The following MACROD2 variants were observed in gnomAD, a reference collection of about 807,000 sequenced individuals.
MACROD2 encodes the protein ADP-ribose glycohydrolase MACROD2.
In MACROD2, 36 loss-of-function variants were observed where a neutral mutation model predicts 70.4. The ratio of observed to expected loss-of-function variants is 0.51; its 90% CI spans 0.39 to 0.68. MACROD2 has a LOEUF of 0.68. Ranked by LOEUF, MACROD2 falls within the 30% of genes least tolerant of loss-of-function variation. MACROD2 has a pLI of 0.00. For synonymous variants in MACROD2, 172 were observed against 178.8 expected, an observed-to-expected ratio of 0.96 and a Z score of 0.30; for missense variants, 496 against 538.4, an observed-to-expected ratio of 0.92 and a Z score of 0.78.
intron 5 of MACROD2, among the ~76,000 whole-genome samples, chr20:15,184,070 G>A (rs114244995): frequency 0.024 from 3,531 of 145,892 alleles, 144 homozygotes; most frequent in African/African-American, 0.082. Flanking sequence ...TCCGGATAGC[G>A]AATGTTTCAA....
At chr20:14,703,897 T>C (rs1017949658) in intron 5 of MACROD2, among the ~76,000 whole-genome samples, 5 of 151,836 alleles carry the variant, frequency 3.3e-5, no homozygotes, top group Admixed American at 2.6e-4. Context: ...TGGCTAATTT[T>C]TTGTATTTTT....
intron 5 of MACROD2, among the ~76,000 whole-genome samples, chr20:14,932,656 C>T (rs564874278): frequency 6.6e-6 from 1 of 152,278 alleles, no homozygotes; most frequent in South Asian, 2.1e-4. Flanking sequence ...ACCTCCGCCT[C>T]ACAGGTTCAA....
chr20:14,833,824 A>G (rs1002589444), intron 5 of MACROD2, among the ~76,000 whole-genome samples: 1 of 152,110 alleles, frequency 6.6e-6, no homozygotes, highest in Admixed American at 6.6e-5. Context: ...AGACTATTTC[A>G]ACTTATTTGT....
chr20:15,596,596 T>C (rs1476515974), intron 8 of MACROD2, among the ~76,000 whole-genome samples: 1 of 152,236 alleles, frequency 6.6e-6, no homozygotes, highest in Non-Finnish European at 1.5e-5. Flanking sequence ...ATAAGTACTC[T>C]TGAAAGCCAT....
intron 8 of MACROD2, among the ~76,000 whole-genome samples, chr20:15,535,193 T>C (rs1257190707): frequency 2.0e-5 from 3 of 152,064 alleles, no homozygotes; most frequent in Non-Finnish European, 2.9e-5. Flanking sequence ...CCCAGATTAG[T>C]CTTGAACTTG....
chr20:14,640,525 C>G (rs1011877051), intron 4 of MACROD2, among the ~76,000 whole-genome samples: 1 of 152,068 alleles, frequency 6.6e-6, no homozygotes, highest in African/African-American at 2.4e-5. Flanking sequence ...GTGGCAAGGT[C>G]AAAGAGTGCT....
At chr20:14,617,229 A>T (rs1409848389) in intron 4 of MACROD2, among the ~76,000 whole-genome samples, 1 of 152,084 alleles carries the variant, frequency 6.6e-6, no homozygotes, top group Non-Finnish European at 1.5e-5. Context: ...TTTAACTCCG[A>T]GATTCAACAT....
rs1266643321 is a variant in MACROD2, at chr20:14,199,619, G to A, written c.271+113891G>A. Among the ~76,000 whole-genome samples the A allele has an allele frequency of 2.0e-5, 3 of 152,130 alleles. 1 individual carries two copies. The highest frequency in any genetic ancestry group is 7.2e-5 in the African/African-American group (3 of 41,504). On this transcript the variant is annotated intron_variant, in intron 3 of 17. Transcript: ENST00000684519. ...TGTAGTTCCTGTTGTGGGTTGTTTG[G>A]TAGGTTACTATGTACCATGTTATAG...
chr20:15,622,535 C>T (rs889247482), intron 8 of MACROD2, among the ~76,000 whole-genome samples: 13 of 152,160 alleles, frequency 8.5e-5, no homozygotes, highest in African/African-American at 1.7e-4. Context: ...GGGCTGGTAG[C>T]GTCTACAGTG....
chr20:15,928,650 A>T (rs2065527110), intron 10 of MACROD2, among the ~76,000 whole-genome samples: 1 of 152,228 alleles, frequency 6.6e-6, no homozygotes, highest in South Asian at 2.1e-4. Flanking sequence ...TTTTTATGAG[A>T]ATGAAGTTTG....
intron 2 of MACROD2, among the ~76,000 whole-genome samples, chr20:14,016,662 T>C (rs2148621023): frequency 6.6e-6 from 1 of 152,286 alleles, no homozygotes; most frequent in East Asian, 1.9e-4. Flanking sequence ...TCAAGACATT[T>C]GAATGGTCTT....
chr20:14,425,926 A>G (rs550308976), intron 3 of MACROD2, among the ~76,000 whole-genome samples: 39 of 152,090 alleles, frequency 2.6e-4, no homozygotes, highest in Non-Finnish European at 5.0e-4. Context: ...TACTTTGTTG[A>G]TGGTTTCCTG....
chr20:15,187,524 A>C (rs172019), intron 5 of MACROD2, among the ~76,000 whole-genome samples: 1 of 152,138 alleles, frequency 6.6e-6, no homozygotes, highest in African/African-American at 2.4e-5. Flanking sequence ...CACAACAGGG[A>C]CCATTTCAAT....
Position 14,857,810 on chromosome 20 carries a change from G to GTTTGTTTTGT in MACROD2, c.418+172869_418+172878dup, listed in dbSNP as rs71190157. Reference sequence around the variant, plus strand: ...GTCAATAGGGAACTGTGCTTTTTTTGTTTGTTTTGTTTTGTTTTGTTTTGT... The same window carrying GTTTGTTTTGT: ...GTCAATAGGGAACTGTGCTTTTTTTGTTTGTTTTGTTTTGTTTTGTTTTGTTTTGTTTTGT... On this transcript the variant is annotated intron_variant, in intron 5 of 17. Coordinates refer to ENST00000684519, the MANE Select transcript of MACROD2 (RefSeq NM_001351661.2). 6.1e-3 allele frequency among the ~76,000 whole-genome samples: 915 copies of GTTTGTTTTGT among 151,124 alleles called. 4 individuals are homozygous for GTTTGTTTTGT. The highest frequency in any genetic ancestry group is 0.02 in the Middle Eastern group (6 of 294).
chr20:14,813,600 T>C (rs956791226), intron 5 of MACROD2, among the ~76,000 whole-genome samples: 4 of 152,136 alleles, frequency 2.6e-5, no homozygotes, highest in African/African-American at 7.2e-5. Context: ...ACAAGGATAT[T>C]TTAAAGGATA....
At chr20:14,787,509 A>C (rs2072389564) in intron 5 of MACROD2, among the ~76,000 whole-genome samples, 1 of 152,084 alleles carries the variant, frequency 6.6e-6, no homozygotes, top group African/African-American at 2.4e-5. Flanking sequence ...AGGTTTACCA[A>C]GGAGTCTTGG....
chr20:14,458,761 A>G (rs1327737207), intron 3 of MACROD2, among the ~76,000 whole-genome samples: 1 of 152,158 alleles, frequency 6.6e-6, no homozygotes, highest in Non-Finnish European at 1.5e-5. Flanking sequence ...AAAACCTGAA[A>G]TATACTGAAT....
chr20:15,726,613 G>A (rs111342786), intron 8 of MACROD2, among the ~76,000 whole-genome samples: 14,786 of 152,014 alleles, frequency 0.097, 1,018 homozygotes, highest in African/African-American at 0.19. Context: ...ATTTCTTAAT[G>A]ATAGCCATTC....
At chr20:14,865,996 T>C (rs904603814) in intron 5 of MACROD2, among the ~76,000 whole-genome samples, 1 of 152,102 alleles carries the variant, frequency 6.6e-6, no homozygotes. Flanking sequence ...AGAGGTCAAG[T>C]TCCAAAAATA....
Sources: allele counts gnomAD v4.1 joint callset (sites outside exome capture counted in the v4.1 genomes callset), GRCh38; gene constraint gnomAD v4.1.1; transcripts MANE v1.5; gene names NCBI Gene and HGNC (gene_info 2026-07-23, HGNC 2026-07-21).